The following DCBLD2 variants were observed in gnomAD, a reference collection of about 807,000 sequenced individuals.
DCBLD2 encodes the protein discoidin, CUB and LCCL domain containing 2.
DCBLD2 carries 54 observed loss-of-function variants against 86.8 expected under a neutral mutation model. The ratio of observed to expected loss-of-function variants is 0.62; its 90% confidence interval spans 0.50 to 0.78. The LOEUF is 0.78. Among genes scored for constraint, DCBLD2 ranks in the 30% least tolerant of loss-of-function variants. The pLI is 0.00. For missense variants in DCBLD2, 908 were observed against 954.2 expected (o/e 0.95, Z 0.64); for synonymous variants, 354 against 341.3 (o/e 1.04, Z -0.41).
intron 9 of DCBLD2, 73 bp downstream of exon 9, chr3:98,817,696 C>T: frequency 6.8e-7 from 1 of 1,464,578 alleles, no homozygotes; most frequent in Non-Finnish European, 9.4e-7. Flanking sequence ...CTCTTTTATA[C>T]AGGAGAGCTC....
intron 3 of DCBLD2, among the ~76,000 whole-genome samples, chr3:98,836,586 C>T (rs540670759): frequency 6.7e-6 from 1 of 149,512 alleles, no homozygotes; most frequent in African/African-American, 2.5e-5. Flanking sequence ...GTCATCCTGG[C>T]CCGTTCTCAA....
chr3:98,895,744 A>G (rs1943741168), intron 1 of DCBLD2, among the ~76,000 whole-genome samples: 1 of 152,126 alleles, frequency 6.6e-6, no homozygotes, highest in African/African-American at 2.4e-5. Context: ...ACCTTCTGAT[A>G]TCCTTCCTTG....
At chr3:98,863,166 G>C (rs1943077553) in intron 2 of DCBLD2, among the ~76,000 whole-genome samples, 1 of 152,192 alleles carries the variant, frequency 6.6e-6, no homozygotes, top group Non-Finnish European at 1.5e-5. Flanking sequence ...ACTTACAAGG[G>C]ATGTGAAGGA....
rs1402456733 is a variant in DCBLD2, at chr3:98,808,185, A to T, written c.1577-11T>A. On this transcript the variant is annotated splice_polypyrimidine_tract_variant and intron_variant, in intron 12 of 15. Coordinates refer to ENST00000326840, the MANE Select transcript of DCBLD2 (RefSeq NM_080927.4). ...CAGCCAGCGCTACATCTGAAGTTACAAAGACAAAAACAGACAAACAAAAGC... is the reference window on the plus strand; with the variant it reads ...CAGCCAGCGCTACATCTGAAGTTACTAAGACAAAAACAGACAAACAAAAGC... 1 of 1,588,492 alleles carries T rather than the reference A, an allele frequency of 6.3e-7. No homozygotes were observed. Among genetic ancestry groups the T allele is most frequent in the Non-Finnish European group, 8.6e-7 (1 of 1,168,820 alleles).
intron 15 of DCBLD2, 22 bp downstream of exon 15, chr3:98,800,557 C>A: frequency 6.2e-7 from 1 of 1,604,242 alleles, no homozygotes; most frequent in Non-Finnish European, 8.5e-7. Context: ...TGCCTGGTAC[C>A]AGAAGGCTGC....
intron 3 of DCBLD2, among the ~76,000 whole-genome samples, chr3:98,836,746 C>T (rs1486642325): frequency 2.5e-5 from 2 of 79,880 alleles, no homozygotes; most frequent in Admixed American, 1.1e-4. Context: ...ATCTCCCTCC[C>T]GGACGGGGTG....
chr3:98,806,915 A>T (rs1941850022), intron 13 of DCBLD2, among the ~76,000 whole-genome samples: 1 of 152,102 alleles, frequency 6.6e-6, no homozygotes, highest in Non-Finnish European at 1.5e-5. Flanking sequence ...CTTTCCTAGA[A>T]TCAGTGTGTT....
rs201050435 is a variant in DCBLD2, at chr3:98,831,504, AAG to A, written c.572-6140_572-6139del. 6.1e-3 allele frequency among the ~76,000 whole-genome samples: 921 copies of A among 152,112 alleles called. 6 individuals are homozygous for A. Among genetic ancestry groups the A allele is most frequent in the African/African-American group, 0.021 (864 of 41,486 alleles). On this transcript the variant is annotated intron_variant, in intron 3 of 15. Transcript: ENST00000326840. ...TGATTATACATATTCTGCTAGCTTT[AAG>A]GTTGGTTTGCTCTTACTTTTCTAGT...
At chr3:98,810,974 C>T (rs1162036186) in intron 12 of DCBLD2, among the ~76,000 whole-genome samples, 1 of 152,118 alleles carries the variant, frequency 6.6e-6, no homozygotes, top group Non-Finnish European at 1.5e-5. Context: ...AACACAGTGG[C>T]CTTCTCTAAA....
chr3:98,812,198 C>T (rs1197527411), intron 10 of DCBLD2, 134 bp downstream of exon 10: 3 of 1,227,402 alleles, frequency 2.4e-6, no homozygotes, highest in Admixed American at 2.9e-5. Flanking sequence ...TTTTAACATC[C>T]CTTTAAGAAG....
intron 2 of DCBLD2, among the ~76,000 whole-genome samples, chr3:98,852,646 A>G (rs1273231878): frequency 6.6e-6 from 1 of 152,216 alleles, no homozygotes; most frequent in Non-Finnish European, 1.5e-5. Context: ...GTAAGCCTGA[A>G]CTAATCAGGT....
At chr3:98,873,912 TG>T (rs1364896938) in intron 2 of DCBLD2, among the ~76,000 whole-genome samples, 1 of 152,144 alleles carries the variant, frequency 6.6e-6, no homozygotes, top group East Asian at 1.9e-4. Context: ...AAATAACTAT[TG>T]GAAAAACACT....
chr3:98,840,823 T>G (rs549734539), intron 3 of DCBLD2, among the ~76,000 whole-genome samples: 2 of 152,348 alleles, frequency 1.3e-5, no homozygotes, highest in East Asian at 3.9e-4. Flanking sequence ...AGCCTCTGCA[T>G]AGAATTTTAT....
intron 2 of DCBLD2, among the ~76,000 whole-genome samples, chr3:98,872,545 C>T (rs919839495): frequency 2.7e-4 from 41 of 152,144 alleles, no homozygotes; most frequent in African/African-American, 9.6e-4. Context: ...GTCGTAGCCA[C>T]ACTAAACAGA....
chr3:98,812,505 T>C (rs1421984696), intron 9 of DCBLD2, 23 bp from the exon 10 acceptor site: 32 of 1,601,136 alleles, frequency 2.0e-5, no homozygotes, highest in Non-Finnish European at 2.3e-5. Context: ...AACAAAAAAT[T>C]GGTACTTCAA....
chr3:98,850,729 T>A (rs1942819465), intron 2 of DCBLD2, among the ~76,000 whole-genome samples: 1 of 152,148 alleles, frequency 6.6e-6, no homozygotes, highest in African/African-American at 2.4e-5. Flanking sequence ...GAGTAGTGAA[T>A]TCTAAGGAAT....
Position 98,901,285 on chromosome 3 carries a change from C to T in DCBLD2, c.42G>A (p.Gln14=). ...RAVVRARRCP[Q]CPQVRAAAAA... Reference sequence around the variant, plus strand: ...CGGCCGCGGCCCGGACTTGGGGACACTGCGGGCAGCGCCTGGCTCTCACCA... The same window carrying T: ...CGGCCGCGGCCCGGACTTGGGGACATTGCGGGCAGCGCCTGGCTCTCACCA... The change falls in exon 1 of 16, where the codon CAG becomes CAA. Residue 14 remains glutamine, a synonymous_variant. Transcript: ENST00000326840. 5 of 1,524,780 alleles carry T rather than the reference C, an allele frequency of 3.3e-6. No individual in the cohort carries two copies. The highest frequency in any genetic ancestry group is 4.4e-6 in the Non-Finnish European group (5 of 1,142,036). The allele number at this position is 1,524,780 out of a possible 1,614,324, so 94.5% of individuals were successfully genotyped here.
Position 98,808,152 on chromosome 3 carries a change from A to G in DCBLD2, c.1599T>C (p.Leu533=). The change falls in exon 13 of 16, where the codon CTT becomes CTC. Residue 533 remains leucine, a synonymous_variant. Transcript: ENST00000326840. ...VTKDVALAAV[L]VPVLVMVLTT... is the part of the protein sequence containing the mutation. ...TGAGGACCATGACCAGCACAGGGACAAGAACTGCAGCCAGCGCTACATCTG... is the reference window on the plus strand; with the variant it reads ...TGAGGACCATGACCAGCACAGGGACGAGAACTGCAGCCAGCGCTACATCTG... 6.2e-7 allele frequency: 1 copy of G among 1,604,808 alleles called. No homozygotes were observed. Among genetic ancestry groups the G allele is most frequent in the African/African-American group, 1.3e-5 (1 of 74,670 alleles).
At chr3:98,832,331 T>C (rs966881774) in intron 3 of DCBLD2, among the ~76,000 whole-genome samples, 4 of 152,220 alleles carry the variant, frequency 2.6e-5, no homozygotes, top group East Asian at 1.9e-4. Context: ...ATGGATGTCA[T>C]TGCATGTGAG....
Sources: gnomAD v4.1 joint callset for allele counts (sites outside exome capture counted in the v4.1 genomes callset) on GRCh38, gnomAD v4.1.1 for gene constraint, MANE v1.5 for transcripts, NCBI Gene and HGNC (gene_info 2026-07-23, HGNC 2026-07-21) for gene names.